Variants in SPATA18 observed in about 807,000 individuals in gnomAD.
SPATA18 encodes spermatogenesis associated 18.
SPATA18 carries 54 observed loss-of-function variants against 68.1 expected under a neutral mutation model. That is an observed-to-expected ratio of 0.79 (90% CI 0.64 to 0.99). The LOEUF (loss-of-function observed/expected upper bound fraction) is 0.99, where lower values mean the gene tolerates loss of function less well. Ranked by LOEUF, SPATA18 falls within the 50% of genes least tolerant of loss-of-function variation. SPATA18 has a pLI of 0.00. For synonymous variants in SPATA18, 242 were observed against 244.8 expected (o/e 0.99, Z 0.11); for missense variants, 724 against 681.1 (o/e 1.06, Z -0.70).
Position 52,096,362 on chromosome 4 carries a change from T to C in SPATA18, c.*1475T>C, listed in dbSNP as rs1742422663. 6.6e-6 allele frequency: 1 copy of C among 152,142 alleles called. No individual in the cohort carries two copies. Among genetic ancestry groups the C allele is most frequent in the African/African-American group, 2.4e-5 (1 of 41,436 alleles). The allele number at this position is 152,142 out of a possible 1,614,324, so 9.4% of individuals were successfully genotyped here. On this transcript the variant is annotated 3_prime_UTR_variant, in exon 13 of 13. Transcript: ENST00000295213. Reference sequence around the variant, plus strand: ...TTCACTTCTCTGAGCCTTGGTTTTATCATAGGGTGAGGAGGTTGGATACAA... The same window carrying C: ...TTCACTTCTCTGAGCCTTGGTTTTACCATAGGGTGAGGAGGTTGGATACAA...
chr4:52,064,095 T>C (rs969426212), intron 4 of SPATA18, among the ~76,000 whole-genome samples: 3 of 152,022 alleles, frequency 2.0e-5, no homozygotes, highest in Admixed American at 6.6e-5. Flanking sequence ...ACACAGCAAA[T>C]CTGCTAGAAT....
rs2109450022 is a variant in SPATA18 at position 52,069,826 on chromosome 4, T to C, written c.428T>C (p.Val143Ala). Residue 143 changes from valine (V) to alanine (A), a missense_variant, in exon 5 of 13, where the codon GTT becomes GCT. By Grantham distance (64) the Val-to-Ala change is moderately conservative (BLOSUM62 0). Coordinates refer to ENST00000295213, the MANE Select transcript of SPATA18 (RefSeq NM_145263.4). ...SQCNQVQDDL[V>A]ETEKNLEESK... is the part of the protein sequence containing the mutation. Reference sequence around the variant, plus strand: ...GTTACTGATTTATCTTACAGTCTGGTTGAAACTGAAAAGAATCTTGAAGAA... The same window carrying C: ...GTTACTGATTTATCTTACAGTCTGGCTGAAACTGAAAAGAATCTTGAAGAA... 1 of 1,574,454 alleles carries C rather than the reference T, an allele frequency of 6.4e-7. No homozygotes were observed. The highest frequency in any genetic ancestry group is 8.7e-7 in the Non-Finnish European group (1 of 1,155,764).
chr4:52,060,643 G>C, intron 2 of SPATA18, 119 bp downstream of exon 2: 1 of 1,141,824 alleles, frequency 8.8e-7, no homozygotes, highest in Non-Finnish European at 1.3e-6. Context: ...CTGATGACCT[G>C]ATGTGTGTAT....
At chr4:52,064,649 T>C (rs1312001804) in intron 4 of SPATA18, among the ~76,000 whole-genome samples, 1 of 152,230 alleles carries the variant, frequency 6.6e-6, no homozygotes. Context: ...GGTGTATATA[T>C]ACCACATTTT....
chr4:52,060,378 T>C, intron 1 of SPATA18, 41 bp from the exon 2 acceptor site: 1 of 1,553,950 alleles, frequency 6.4e-7, no homozygotes, highest in South Asian at 1.1e-5. Flanking sequence ...GGTCCCAGAG[T>C]GAAGTAATTA....
chr4:52,082,681 C>T (rs1365103518), intron 10 of SPATA18, 171 bp downstream of exon 10: 2 of 1,478,948 alleles, frequency 1.4e-6, no homozygotes, highest in Non-Finnish European at 1.8e-6. Flanking sequence ...TTCTTTGATT[C>T]TTCCATAATT....
At position 52,060,418 on chromosome 4, in the gene SPATA18, G is replaced by T. The variant is rs55653366; in HGVS notation, c.88-1G>T. 63 of 1,613,806 alleles carry T rather than the reference G, an allele frequency of 3.9e-5. No individual in the cohort carries two copies. In the African/African-American group the frequency reaches 7.2e-4, roughly 18 times the overall value. ...GGTTATCTACTGTTTTGCCCTTGCA[G>T]ACAAACACGTGTGATCAAAATCTAA... On this transcript the variant is annotated splice_acceptor_variant, in intron 1 of 12. Transcript: ENST00000295213. LOFTEE classifies it high-confidence loss of function.
rs376041664 is a variant in SPATA18 at position 52,064,152 on chromosome 4, A to G, written c.422+1820A>G. Among the ~76,000 whole-genome samples, 38 of 150,828 alleles carry G rather than the reference A, an allele frequency of 2.5e-4. No homozygotes were observed. In the South Asian group the frequency reaches 6.7e-3, roughly 27 times the overall value. On this transcript the variant is annotated intron_variant, in intron 4 of 12. Coordinates refer to ENST00000295213, the MANE Select transcript of SPATA18 (RefSeq NM_145263.4). Reference sequence around the variant, plus strand: ...CCCTTTCATATGCCTTTTGCCCTATATGCTTTATCACGTATGTGTTCCTTC... The same window carrying G: ...CCCTTTCATATGCCTTTTGCCCTATGTGCTTTATCACGTATGTGTTCCTTC...
intron 4 of SPATA18, among the ~76,000 whole-genome samples, chr4:52,065,186 T>C (rs926542001): frequency 1.3e-5 from 2 of 152,210 alleles, no homozygotes; most frequent in African/African-American, 4.8e-5. Context: ...GTCAAATGCA[T>C]AGTTTGTGAA....
rs1226365206 is a variant in SPATA18 at position 52,051,457 on chromosome 4, T to C, written c.-248T>C. 1.1e-5 allele frequency: 6 copies of C among 530,184 alleles called. No homozygotes were observed. In the East Asian group the frequency reaches 1.8e-4, roughly 16 times the overall value. The allele number at this position is 530,184 out of a possible 1,614,324, so 32.8% of individuals were successfully genotyped here. A position where few individuals can be genotyped will look rare whatever the true frequency, so the allele number is the denominator to read the frequency against. ...TCTATGGCCGGGCTCAGGCGGCTGC[T>C]GGGGAGCCAGGAGACCGCGCGGGAC... On this transcript the variant is annotated 5_prime_UTR_variant, in exon 1 of 13. Transcript: ENST00000295213.
chr4:52,073,273 G>A (rs949083626), intron 6 of SPATA18, among the ~76,000 whole-genome samples: 2 of 152,126 alleles, frequency 1.3e-5, no homozygotes, highest in Non-Finnish European at 1.5e-5. Context: ...CCTGACTGTT[G>A]TACTCAGTTT....
At chr4:52,080,006 T>C in intron 9 of SPATA18, 87 bp downstream of exon 9, 1 of 1,411,400 alleles carries the variant, frequency 7.1e-7, no homozygotes, top group Non-Finnish European at 9.6e-7. Context: ...GGAAAAGAAC[T>C]CTGGGTGGAG....
Position 52,078,693 on chromosome 4 carries a change from A to C in SPATA18, c.1021-42A>C, listed in dbSNP as rs147365490. The C allele has an allele frequency of 3.3e-5, 49 of 1,471,998 alleles. No individual in the cohort carries two copies. In the Middle Eastern group the frequency reaches 5.5e-4, roughly 16 times the overall value. 91.2% of individuals were successfully genotyped at this position (1,471,998 alleles called of 1,614,324 possible). On this transcript the variant is annotated intron_variant, in intron 7 of 12. Transcript: ENST00000295213. ...TTCCTTGTTTTGGATCTCTTCACCT[A>C]CCTCTTTTCACCAAATAAATTTGCT...
intron 1 of SPATA18, among the ~76,000 whole-genome samples, chr4:52,055,528 A>T (rs558496257): frequency 3.3e-5 from 5 of 152,156 alleles, no homozygotes; most frequent in Non-Finnish European, 7.4e-5. Flanking sequence ...AATAATTCTT[A>T]CCTTTACTCA....
At chr4:52,088,057 A>G (rs901911577) in intron 11 of SPATA18, among the ~76,000 whole-genome samples, 7 of 152,092 alleles carry the variant, frequency 4.6e-5, no homozygotes, top group African/African-American at 1.7e-4. Flanking sequence ...TTCACTCATG[A>G]TTTGGCTCTC....
At position 52,086,357 on chromosome 4, in the gene SPATA18, C is replaced by A. The variant is rs185889425; in HGVS notation, c.1563+1358C>A. On this transcript the variant is annotated intron_variant, in intron 11 of 12. Transcript: ENST00000295213. ...CACGTGCCCTGGTGGTTTGATGCAC[C>A]CATCAACCAATCGCCTACATTAGGT... Among the ~76,000 whole-genome samples the A allele has an allele frequency of 6.6e-5, 10 of 152,214 alleles. No homozygotes were observed. In the East Asian group the frequency reaches 1.9e-3, roughly 29 times the overall value.
rs1010977706 is a variant in SPATA18, at chr4:52,070,134, T to G, written c.518+218T>G. The stretch of plus-strand genomic sequence containing the variant: ...TAGTATAAAGGCATATAAAAACCCT[T>G]TCATAATTGCAGAGCCAGTGACTGT... On this transcript the variant is annotated intron_variant, in intron 5 of 12. Transcript: ENST00000295213. Among the ~76,000 whole-genome samples the G allele has an allele frequency of 2.0e-5, 3 of 151,820 alleles. No homozygotes were observed. In the South Asian group the frequency reaches 6.2e-4, roughly 32 times the overall value.
chr4:52,079,049 C>A (rs1421739422), intron 8 of SPATA18, among the ~76,000 whole-genome samples, 156 bp downstream of exon 8: 1 of 152,110 alleles, frequency 6.6e-6, no homozygotes, highest in East Asian at 1.9e-4. Flanking sequence ...TAGCACCTGC[C>A]ATTATTGACT....
chr4:52,079,942 C>A, intron 9 of SPATA18, 23 bp downstream of exon 9: 1 of 1,602,934 alleles, frequency 6.2e-7, no homozygotes, highest in Middle Eastern at 1.7e-4. Flanking sequence ...GGAGCAGAAG[C>A]TAAGGGATTT....
Sources: allele counts gnomAD v4.1 joint callset (sites outside exome capture counted in the v4.1 genomes callset), GRCh38; gene constraint gnomAD v4.1.1; transcripts MANE v1.5; gene names NCBI Gene and HGNC (gene_info 2026-07-23, HGNC 2026-07-21).